Variants in TMEM236 observed in about 807,000 individuals in gnomAD.
TMEM236 encodes family with sequence similarity 23, member A.
In TMEM236, 11 loss-of-function variants were observed where a neutral mutation model predicts 14.7. That is an observed-to-expected ratio of 0.75 (90% CI 0.47 to 1.24). TMEM236 has a LOEUF of 1.24. Among genes scored for constraint, TMEM236 ranks in the 50% most tolerant of loss-of-function variants. The pLI is 0.00. For synonymous variants in TMEM236, 182 were observed against 168.6 expected (o/e 1.08, Z -0.62); for missense variants, 464 against 427.3 (o/e 1.09, Z -0.76).
At chr10:17,761,693 C>A (rs1338608871) in intron 1 of TMEM236, among the ~76,000 whole-genome samples, 942 of 113,648 alleles carry the variant, frequency 8.3e-3, no homozygotes, top group Admixed American at 9.4e-3. Flanking sequence ...GACTATGTCT[C>A]AAAAAAAAAA....
chr10:17,770,215 C>T lies in TMEM236; in HGVS notation c.258-1094C>T, dbSNP rs1044868703. Among the ~76,000 whole-genome samples, 1,359 of 152,198 alleles carry T rather than the reference C, an allele frequency of 8.9e-3. 21 individuals are homozygous for T. Among genetic ancestry groups the T allele is most frequent in the African/African-American group, 0.031 (1,270 of 41,506 alleles). ...AAATTAATAATTTGAAAGCATTCAA[C>T]ACTGCTTGTACATAGAAAACATTAT... is the stretch of plus-strand genomic sequence containing the variant. On this transcript the variant is annotated intron_variant, in intron 1 of 3. Transcript: ENST00000377495.
chr10:17,793,482 T>C (rs1362510521), intron 3 of TMEM236, among the ~76,000 whole-genome samples: 1 of 152,164 alleles, frequency 6.6e-6, no homozygotes, highest in Non-Finnish European at 1.5e-5. Context: ...TTTAAATTCA[T>C]TTTTATTTAT....
intron 1 of TMEM236, among the ~76,000 whole-genome samples, chr10:17,765,995 T>G (rs1192592532): frequency 6.6e-6 from 1 of 152,200 alleles, no homozygotes. Flanking sequence ...CAACCTTCAG[T>G]CCAAGACAGC....
intron 1 of TMEM236, among the ~76,000 whole-genome samples, chr10:17,767,544 A>G (rs1447210412): frequency 1.3e-5 from 2 of 152,222 alleles, no homozygotes; most frequent in African/African-American, 4.8e-5. Flanking sequence ...TAAATAAAAC[A>G]TAGACTTGGG....
In TMEM236 at chr10:17,796,452, A is replaced by G. The variant is rs949616195; in HGVS notation, c.1004A>G (p.Asn335Ser). The change falls in exon 4 of 4, where the codon AAT (asparagine) becomes AGT (serine). Residue 335 changes from asparagine (N) to serine (S), a missense_variant. By Grantham distance (46) the Asn-to-Ser change is conservative. Coordinates refer to ENST00000377495, the MANE Select transcript of TMEM236 (RefSeq NM_001098844.3). ...GTGACTCTCTCTTACATTTACTTCA[A>G]TTACCTAACCAGAATCAGGATTTTT... ...ILVTLSYIYF[N>S]YLTRIRIFSA... The G allele has an allele frequency of 6.2e-6, 10 of 1,613,468 alleles. No homozygotes were observed. Among genetic ancestry groups the G allele is most frequent in the Non-Finnish European group, 8.5e-6 (10 of 1,179,816 alleles).
intron 1 of TMEM236, among the ~76,000 whole-genome samples, chr10:17,770,022 T>C (rs1251359390): frequency 6.6e-6 from 1 of 152,148 alleles, no homozygotes; most frequent in Non-Finnish European, 1.5e-5. Context: ...CCAGTGTCTA[T>C]TCCCACCTTT....
Position 17,796,573 on chromosome 10 carries a change from C to T in TMEM236, c.*69C>T, listed in dbSNP as rs1450172159. The T allele has an allele frequency of 7.2e-7, 1 of 1,380,250 alleles. No homozygotes were observed. Among genetic ancestry groups the T allele is most frequent in the Non-Finnish European group, 1.0e-6 (1 of 971,998 alleles). 85.5% of individuals were successfully genotyped at this position (1,380,250 alleles called of 1,614,324 possible). ...GCACATTTGTAATCCTTCTTTTTTT[C>T]TTGGGGCGTAGGTGTTTGCACTATA... On this transcript the variant is annotated 3_prime_UTR_variant, in exon 4 of 4. Coordinates refer to ENST00000377495, the MANE Select transcript of TMEM236 (RefSeq NM_001098844.3).
rs1838048566 is a variant in TMEM236, at chr10:17,798,377, A to G, written c.*1873A>G. ...AACATGGAGAGATTCTACCTCTACAAAAAATACAAAAATTAGCTGGGCATG... is the reference window on the plus strand; with the variant it reads ...AACATGGAGAGATTCTACCTCTACAGAAAATACAAAAATTAGCTGGGCATG... On this transcript the variant is annotated 3_prime_UTR_variant, in exon 4 of 4. Transcript: ENST00000377495. The G allele has an allele frequency of 5.6e-6, 2 of 359,106 alleles. No individual in the cohort carries two copies. The highest frequency in any genetic ancestry group is 8.4e-4 in the Middle Eastern group (1 of 1,196). 22.2% of individuals were successfully genotyped at this position (359,106 alleles called of 1,614,324 possible).
intron 3 of TMEM236, among the ~76,000 whole-genome samples, chr10:17,795,441 A>G (rs1837995717): frequency 6.6e-6 from 1 of 152,330 alleles, no homozygotes; most frequent in South Asian, 2.1e-4. Context: ...TAAATGAGAT[A>G]ATATGTGAAA....
chr10:17,796,397 C>A lies in TMEM236; in HGVS notation c.949C>A (p.Pro317Thr). The part of the protein sequence containing the change: ...GLIIALGTIT[P>T]VLGLCKNILV... ...AATCATTGCCCTGGGGACTATCACA[C>A]CCGTACTGGGCCTGTGTAAAAATAT... Residue 317 changes from proline (P) to threonine (T), a missense_variant, in exon 4 of 4, where the codon CCC becomes ACC. Pro to Thr is a conservative substitution (Grantham distance 38). Coordinates refer to ENST00000377495, the MANE Select transcript of TMEM236 (RefSeq NM_001098844.3). 1 of 1,613,874 alleles carries A rather than the reference C, an allele frequency of 6.2e-7. No homozygotes were observed. Among genetic ancestry groups the A allele is most frequent in the Non-Finnish European group, 8.5e-7 (1 of 1,179,808 alleles).
At chr10:17,790,023 C>CA (rs1554835968) in intron 3 of TMEM236, among the ~76,000 whole-genome samples, 2 of 151,162 alleles carry the variant, frequency 1.3e-5, no homozygotes, top group African/African-American at 4.9e-5. Context: ...GACTCCGTCT[C>CA]AAAAAAAGAA....
chr10:17,770,841 T>TA (rs1316836634), intron 1 of TMEM236, among the ~76,000 whole-genome samples: 4 of 148,374 alleles, frequency 2.7e-5, no homozygotes, highest in Non-Finnish European at 4.5e-5. Flanking sequence ...TTGGTTCTAG[T>TA]AAAAAAATGT....
intron 1 of TMEM236, among the ~76,000 whole-genome samples, chr10:17,761,902 T>G (rs958033411): frequency 0.012 from 1,897 of 152,260 alleles, 36 homozygotes; most frequent in African/African-American, 0.043. Flanking sequence ...TCTGTGGCTC[T>G]TCGTAGAACA....
intron 1 of TMEM236, among the ~76,000 whole-genome samples, chr10:17,768,273 A>G (rs1430705221): frequency 1.3e-5 from 2 of 151,984 alleles, no homozygotes; most frequent in Non-Finnish European, 2.9e-5. Context: ...ATAGATAGGC[A>G]CATATATTGT....
At chr10:17,754,924 T>TTTTATTTATTTATTTATTTA (rs372416227) in intron 1 of TMEM236, among the ~76,000 whole-genome samples, 128 of 146,772 alleles carry the variant, frequency 8.7e-4, no homozygotes, top group Admixed American at 1.2e-3. Context: ...CATACTGATG[T>TTTTATTTATTTATTTATTTA]TTTATTTATT....
chr10:17,762,156 C>T (rs1382935383), intron 1 of TMEM236, among the ~76,000 whole-genome samples: 2 of 152,266 alleles, frequency 1.3e-5, no homozygotes, highest in South Asian at 4.1e-4. Flanking sequence ...TCTGAGCTTA[C>T]TGTATCCTTG....
At chr10:17,767,926 T>A (rs1042831542) in intron 1 of TMEM236, among the ~76,000 whole-genome samples, 2 of 151,386 alleles carry the variant, frequency 1.3e-5, no homozygotes, top group East Asian at 3.9e-4. Flanking sequence ...TTTTTTTTTT[T>A]TGAGACAGTG....
intron 3 of TMEM236, among the ~76,000 whole-genome samples, chr10:17,789,822 CCA>C (rs1382012063): frequency 4.6e-5 from 7 of 152,038 alleles, no homozygotes; most frequent in Admixed American, 1.3e-4. Flanking sequence ...GAGATTGAGA[CCA>C]TCCTGGCTAA....
chr10:17,792,706 T>G (rs1554836129), intron 3 of TMEM236, among the ~76,000 whole-genome samples: 1 of 152,156 alleles, frequency 6.6e-6, no homozygotes, highest in African/African-American at 2.4e-5. Flanking sequence ...GGCTGCTAGT[T>G]TTACTTTTTA....
Sources: allele counts gnomAD v4.1 joint callset (sites outside exome capture counted in the v4.1 genomes callset), GRCh38; gene constraint gnomAD v4.1.1; transcripts MANE v1.5; gene names NCBI Gene and HGNC (gene_info 2026-07-23, HGNC 2026-07-21).